Variants in MPP7 observed in about 807,000 individuals in gnomAD.
MPP7 encodes the protein MAGUK p55 subfamily member 7.
In MPP7, 60 loss-of-function variants were observed where a neutral mutation model predicts 76.5. The ratio of observed to expected loss-of-function variants is 0.78; its 90% confidence interval spans 0.64 to 0.97. The LOEUF (loss-of-function observed/expected upper bound fraction) is 0.97, where lower values mean the gene tolerates loss of function less well. Among genes scored for constraint, MPP7 ranks in the 50% least tolerant of loss-of-function variants. MPP7 has a pLI of 0.00. For synonymous variants in MPP7, 237 were observed against 244.5 expected (o/e 0.97, Z 0.29); for missense variants, 641 against 694.0 (o/e 0.92, Z 0.86).
At chr10:28,193,490 C>T (rs931888827) in intron 3 of MPP7, among the ~76,000 whole-genome samples, 1 of 152,006 alleles carries the variant, frequency 6.6e-6, no homozygotes, top group African/African-American at 2.4e-5. Context: ...GGATTACAGG[C>T]GTGAGTCACC....
chr10:28,066,496 T>C (rs1380090261), intron 13 of MPP7, among the ~76,000 whole-genome samples: 2 of 152,200 alleles, frequency 1.3e-5, no homozygotes, highest in African/African-American at 4.8e-5. Context: ...TACATAACTA[T>C]AGCACTTTAG....
intron 12 of MPP7, among the ~76,000 whole-genome samples, chr10:28,082,407 TCTC>T (rs1035814001): frequency 9.2e-5 from 14 of 151,410 alleles, no homozygotes; most frequent in African/African-American, 1.7e-4. Context: ...TTCTTCTCCT[TCTC>T]CTCCTCCTCC....
chr10:28,147,713 T>C (rs1292230424), intron 4 of MPP7, 150 bp from the exon 5 acceptor site: 13 of 684,666 alleles, frequency 1.9e-5, no homozygotes, highest in Non-Finnish European at 2.8e-5. Context: ...TCATCAATCA[T>C]TGCTCTTCTT....
chr10:28,294,659 G>T (rs1406478914), intron 1 of MPP7, among the ~76,000 whole-genome samples: 1 of 152,146 alleles, frequency 6.6e-6, no homozygotes, highest in Non-Finnish European at 1.5e-5. Context: ...AGGAAATGAG[G>T]TTAAGTATTA....
At chr10:28,157,514 T>G (rs1193957583) in intron 3 of MPP7, among the ~76,000 whole-genome samples, 1 of 152,240 alleles carries the variant, frequency 6.6e-6, no homozygotes, top group Non-Finnish European at 1.5e-5. Flanking sequence ...AACCATAAAC[T>G]GGTTGTCACT....
chr10:28,194,750 G>A (rs926541746), intron 3 of MPP7, among the ~76,000 whole-genome samples: 2 of 152,152 alleles, frequency 1.3e-5, no homozygotes, highest in African/African-American at 4.8e-5. Flanking sequence ...GGGAGATTTG[G>A]AAACGTAAAA....
intron 13 of MPP7, among the ~76,000 whole-genome samples, chr10:28,061,888 T>C (rs1205123075): frequency 1.3e-5 from 2 of 152,048 alleles, no homozygotes; most frequent in Non-Finnish European, 2.9e-5. Flanking sequence ...ATAATATCTT[T>C]AAAGCACTAA....
chr10:28,333,699 G>A (rs1189969239), intron 1 of MPP7, among the ~76,000 whole-genome samples: 1 of 152,168 alleles, frequency 6.6e-6, no homozygotes, highest in Non-Finnish European at 1.5e-5. Flanking sequence ...TATTTTGCAG[G>A]AAACAGTTTC....
At chr10:28,107,347 TC>T (rs780688768) in intron 11 of MPP7, among the ~76,000 whole-genome samples, 48 of 152,272 alleles carry the variant, frequency 3.2e-4, no homozygotes, top group Non-Finnish European at 5.3e-4. Context: ...GTGACAGTCA[TC>T]AGATAGTGCT....
chr10:28,232,365 AC>A (rs1438695302), intron 2 of MPP7, among the ~76,000 whole-genome samples: 1 of 150,282 alleles, frequency 6.7e-6, no homozygotes, highest in African/African-American at 2.5e-5. Context: ...TAAAACACAC[AC>A]ACACACACAC....
chr10:28,226,101 T>C lies in MPP7; in HGVS notation c.37+12467A>G, dbSNP rs536660186. 2.2e-4 allele frequency among the ~76,000 whole-genome samples: 34 copies of C among 152,238 alleles called. 1 individual carries two copies. In the South Asian group the frequency reaches 6.0e-3, roughly 27 times the overall value. ...ATACATGCTACACCACAGATGAACC[T>C]TAAAAACATTATGCTAAGTAAAATA... is the stretch of plus-strand genomic sequence containing the variant. On this transcript the variant is annotated intron_variant, in intron 2 of 16. Coordinates refer to ENST00000683449, the MANE Select transcript of MPP7 (RefSeq NM_001318170.2).
At chr10:28,154,965 T>C (rs1268992145) in intron 3 of MPP7, among the ~76,000 whole-genome samples, 1 of 152,162 alleles carries the variant, frequency 6.6e-6, no homozygotes, top group African/African-American at 2.4e-5. Flanking sequence ...AGATAGCTGT[T>C]ACTGCAGATG....
At chr10:28,166,023 C>CA (rs9299600) in intron 3 of MPP7, among the ~76,000 whole-genome samples, 5,105 of 99,846 alleles carry the variant, frequency 0.051, 271 homozygotes, top group East Asian at 0.14. Context: ...AGACTCATCT[C>CA]AAAAAAAAAA....
At chr10:28,333,657 A>T (rs1329184525) in intron 1 of MPP7, among the ~76,000 whole-genome samples, 1 of 152,182 alleles carries the variant, frequency 6.6e-6, no homozygotes, top group Non-Finnish European at 1.5e-5. Context: ...AGATAATTAC[A>T]GTCTAATTTT....
intron 11 of MPP7, among the ~76,000 whole-genome samples, chr10:28,093,622 T>C (rs950413529): frequency 6.6e-6 from 1 of 152,036 alleles, no homozygotes; most frequent in African/African-American, 2.4e-5. Context: ...AATTTTTGTA[T>C]TTTTAGTAGA....
At chr10:28,074,735 A>T (rs954568832) in intron 12 of MPP7, among the ~76,000 whole-genome samples, 3 of 152,168 alleles carry the variant, frequency 2.0e-5, no homozygotes, top group Admixed American at 6.5e-5. Flanking sequence ...TCTTACCTTA[A>T]TACAACAAGA....
intron 1 of MPP7, chr10:28,282,138 T>C (rs925535089): frequency 6.6e-6 from 1 of 152,118 alleles, no homozygotes; most frequent in Non-Finnish European, 1.5e-5. Flanking sequence ...TTAGTTCCAT[T>C]GGCACTGTGA....
At chr10:28,101,667 A>ACT (rs776293149) in intron 11 of MPP7, among the ~76,000 whole-genome samples, 96 of 152,278 alleles carry the variant, frequency 6.3e-4, no homozygotes, top group Non-Finnish European at 6.9e-4. Flanking sequence ...GTATGTTAGA[A>ACT]AAGAGATGCA....
chr10:28,261,852 G>A (rs1457675580), intron 1 of MPP7, among the ~76,000 whole-genome samples: 1 of 151,890 alleles, frequency 6.6e-6, no homozygotes, highest in African/African-American at 2.4e-5. Flanking sequence ...CTCGAGACCA[G>A]CTTGGGCAAC....
Sources: allele counts gnomAD v4.1 joint callset (sites outside exome capture counted in the v4.1 genomes callset), GRCh38; gene constraint gnomAD v4.1.1; transcripts MANE v1.5; gene names NCBI Gene and HGNC (gene_info 2026-07-23, HGNC 2026-07-21).